The following C12orf43 variants were observed in gnomAD, a reference collection of about 807,000 sequenced individuals.
C12orf43 encodes protein CUSTOS.
Under a neutral mutation model 20.6 loss-of-function variants are expected in C12orf43, and 15 were observed. That is an observed-to-expected ratio of 0.73 (90% confidence interval 0.49 to 1.12). The LOEUF is 1.12. Among genes scored for constraint, C12orf43 ranks in the 50% most tolerant of loss-of-function variants. The pLI, the probability that C12orf43 is intolerant of heterozygous loss-of-function variation, is 0.00. For missense variants in C12orf43, 334 were observed against 344.4 expected, an observed-to-expected ratio of 0.97 and a Z score of 0.24; for synonymous variants, 144 against 130.8, an observed-to-expected ratio of 1.10 and a Z score of -0.69.
chr12:121,005,596 C>T lies in C12orf43; in HGVS notation c.362-503G>A, dbSNP rs1389849887. Among the ~76,000 whole-genome samples the T allele has an allele frequency of 2.6e-5, 4 of 152,244 alleles. No homozygotes were observed. In the East Asian group the frequency reaches 7.7e-4, roughly 29 times the overall value. On this transcript the variant is annotated intron_variant, in intron 4 of 5. Coordinates refer to ENST00000288757, the MANE Select transcript of C12orf43 (RefSeq NM_022895.3). This position sits in a 1 kb window ranked among gnomAD's most constrained non-coding sequence, Gnocchi z 5.6. Reference sequence around the variant, plus strand: ...CACTTGAGCTCCTGACCTAAGGCAGCCTTCAAAGTGGCAAATGTGTTGGTA... The same window carrying T: ...CACTTGAGCTCCTGACCTAAGGCAGTCTTCAAAGTGGCAAATGTGTTGGTA...
intron 3 of C12orf43, among the ~76,000 whole-genome samples, chr12:121,009,698 C>T (rs1215681788): frequency 1.3e-5 from 2 of 152,190 alleles, no homozygotes; most frequent in Non-Finnish European, 2.9e-5. Context: ...ACTTCTCAGC[C>T]TCCAAAATGT....
chr12:121,016,460 A>G lies in C12orf43; in HGVS notation c.15T>C (p.Ser5=), dbSNP rs751695712. 2 of 1,614,072 alleles carry G rather than the reference A, an allele frequency of 1.2e-6. No individual in the cohort carries two copies. The highest frequency in any genetic ancestry group is 1.7e-5 in the Admixed American group (1 of 60,028). The stretch of plus-strand genomic sequence containing the variant: ...TACTTTCCGAATCGCTCACTGTGCC[A>G]CTGGGCGCCGCCATCTTGAACCACC... MAAP[S]GTVSDSESSN... The change falls in exon 1 of 6, where the codon AGT becomes AGC. Residue 5 remains serine (S), a synonymous_variant. Coordinates refer to ENST00000288757, the MANE Select transcript of C12orf43 (RefSeq NM_022895.3).
At chr12:121,015,328 G>A (rs920631564) in intron 1 of C12orf43, among the ~76,000 whole-genome samples, 4 of 152,184 alleles carry the variant, frequency 2.6e-5, no homozygotes, top group African/African-American at 9.7e-5. Flanking sequence ...AGGGAAGGAA[G>A]GGAGAGGAAG....
intron 1 of C12orf43, among the ~76,000 whole-genome samples, chr12:121,011,753 G>A (rs1057020567): frequency 1.2e-4 from 18 of 152,208 alleles, no homozygotes; most frequent in African/African-American, 3.6e-4. Flanking sequence ...TGATTTGACT[G>A]CACAGTTTAA....
chr12:121,004,301 C>T lies in C12orf43; in HGVS notation c.641G>A (p.Ser214Asn). 2 of 1,614,234 alleles carry T rather than the reference C, an allele frequency of 1.2e-6. No homozygotes were observed. The highest frequency in any genetic ancestry group is 1.1e-5 in the South Asian group (1 of 91,088). ...CTTCTGCTTCTGGACTGTGGCCATG[C>T]TGGTGGGGGTGGTGGCAGCGACAGC... ...DSAVAATTPT[S>N]MATVQKQKSG... The change falls in exon 6 of 6, where the codon AGC becomes AAC. Residue 214 changes from serine to asparagine, a missense_variant. Coordinates refer to ENST00000288757, the MANE Select transcript of C12orf43 (RefSeq NM_022895.3). The surrounding 1 kb of genome is among the most constrained non-coding windows in gnomAD (Gnocchi z 5.6).
rs749953989 is a variant in C12orf43 at position 121,004,190 on chromosome 12, G to T, written c.752C>A (p.Pro251Gln). ...AKKASETSPF[P>Q]PAKSATAIPA... ...TATAGCTGTAGCACTCTTTGCTGGT[G>T]GGAATGGAGAGGTCTCGCTGGCCTT... The change falls in exon 6 of 6, where the codon CCA becomes CAA. Residue 251 changes from proline to glutamine, a missense_variant. Coordinates refer to ENST00000288757, the MANE Select transcript of C12orf43 (RefSeq NM_022895.3). This position sits in a 1 kb window ranked among gnomAD's most constrained non-coding sequence, Gnocchi z 5.6. 6.2e-7 allele frequency: 1 copy of T among 1,614,218 alleles called. No homozygotes were observed. Among genetic ancestry groups the T allele is most frequent in the Non-Finnish European group, 8.5e-7 (1 of 1,180,048 alleles).
Position 121,006,245 on chromosome 12 carries a change from A to T in C12orf43, c.361+76T>A, listed in dbSNP as rs1878009912. The T allele has an allele frequency of 5.3e-6, 7 of 1,328,924 alleles. No individual in the cohort carries two copies. The South Asian group carries it at 8.8e-5, about 17-fold the overall frequency. 82.3% of individuals were successfully genotyped at this position (1,328,924 alleles called of 1,614,324 possible). On this transcript the variant is annotated intron_variant, in intron 4 of 5. Transcript: ENST00000288757. ...AAAGAAAAAAAAAAAAGAATATACC[A>T]AAACTGTTTCGCCCACCTCCAGACA...
In C12orf43 at chr12:121,015,360, T is replaced by C. The variant is rs551231103; in HGVS notation, c.145+970A>G. 1.4e-3 allele frequency among the ~76,000 whole-genome samples: 217 copies of C among 152,336 alleles called. 1 individual carries two copies. The highest frequency in any genetic ancestry group is 4.7e-3 in the African/African-American group (194 of 41,570). ...GAAGGCAATGGATCACCAAAGGGCT[T>C]GTAAGTCCTTTTAAACAAATCCAGC... On this transcript the variant is annotated intron_variant, in intron 1 of 5. Coordinates refer to ENST00000288757, the MANE Select transcript of C12orf43 (RefSeq NM_022895.3).
chr12:121,004,070 T>C lies in C12orf43; in HGVS notation c.*83A>G. 1 of 1,435,116 alleles carries C rather than the reference T, an allele frequency of 7.0e-7. No homozygotes were observed. The allele number at this position is 1,435,116 out of a possible 1,614,324, so 88.9% of individuals were successfully genotyped here. Reference sequence around the variant, plus strand: ...CAGTCCTTGAACTTGGAGAGGGAGGTGGGGCTTGGAAATGCCTTGTCCCCA... The same window carrying C: ...CAGTCCTTGAACTTGGAGAGGGAGGCGGGGCTTGGAAATGCCTTGTCCCCA... On this transcript the variant is annotated 3_prime_UTR_variant, in exon 6 of 6. Transcript: ENST00000288757. This position sits in a 1 kb window ranked among gnomAD's most constrained non-coding sequence, Gnocchi z 5.6.
Position 121,010,943 on chromosome 12 carries a change from G to T in C12orf43, c.189-17C>A, listed in dbSNP as rs1254239951. 1 of 1,613,726 alleles carries T rather than the reference G, an allele frequency of 6.2e-7. No homozygotes were observed. Among genetic ancestry groups the T allele is most frequent in the Non-Finnish European group, 8.5e-7 (1 of 1,179,784 alleles). ...ACCTTATGCCTACGACACACACAAA[G>T]AGACCTCACTTCCTGCCCGCTCAGA... On this transcript the variant is annotated splice_polypyrimidine_tract_variant and intron_variant, in intron 2 of 5. Transcript: ENST00000288757.
intron 3 of C12orf43, among the ~76,000 whole-genome samples, chr12:121,009,581 G>A (rs943765600): frequency 4.6e-5 from 7 of 152,214 alleles, no homozygotes; most frequent in African/African-American, 1.7e-4. Context: ...AGGTCTGAGA[G>A]AGACCCCTCG....
Position 121,002,564 on chromosome 12 carries a change from G to A in C12orf43, c.*1589C>T. 2.1e-6 allele frequency: 1 copy of A among 477,780 alleles called. No homozygotes were observed. Among genetic ancestry groups the A allele is most frequent in the South Asian group, 1.6e-5 (1 of 62,584 alleles). The allele number at this position is 477,780 out of a possible 1,614,324, so 29.6% of individuals were successfully genotyped here. A position where few individuals can be genotyped will look rare whatever the true frequency, so the allele number is the denominator to read the frequency against. ...GATGGGGTTTGGGCAGGTAGCGGGA[G>A]GCTGGGGCAGGCCAGAGGCCTGCGA... On this transcript the variant is annotated 3_prime_UTR_variant, in exon 6 of 6. Transcript: ENST00000288757.
intron 1 of C12orf43, among the ~76,000 whole-genome samples, chr12:121,013,042 A>G (rs1190552725): frequency 6.6e-6 from 1 of 152,110 alleles, no homozygotes; most frequent in Middle Eastern, 3.2e-3. Context: ...GTGGAGGGCC[A>G]TGGTGTAAGA....
rs2135854601 is a variant in C12orf43 at position 121,001,117 on chromosome 12, G to T, written c.*3036C>A. The T allele has an allele frequency of 6.2e-7, 1 of 1,614,026 alleles. No individual in the cohort carries two copies. The highest frequency in any genetic ancestry group is 2.2e-5 in the East Asian group (1 of 44,880). On this transcript the variant is annotated 3_prime_UTR_variant, in exon 6 of 6. Coordinates refer to ENST00000288757, the MANE Select transcript of C12orf43 (RefSeq NM_022895.3). ...AGAGCTCAGACTCCAGCAATGGCCAGAGCCACCTGCTGCCATCCAACCACA... is the reference window on the plus strand; with the variant it reads ...AGAGCTCAGACTCCAGCAATGGCCATAGCCACCTGCTGCCATCCAACCACA...
At chr12:121,011,714 A>G (rs1221573916) in intron 1 of C12orf43, among the ~76,000 whole-genome samples, 3 of 152,172 alleles carry the variant, frequency 2.0e-5, no homozygotes, top group African/African-American at 7.2e-5. Flanking sequence ...CTTAACCACC[A>G]CGCTGTGCTG....
In C12orf43 at chr12:121,000,978, T is replaced by C. The variant is rs1877422801; in HGVS notation, c.*3175A>G. 1 of 1,566,086 alleles carries C rather than the reference T, an allele frequency of 6.4e-7. No homozygotes were observed. Among genetic ancestry groups the C allele is most frequent in the Admixed American group, 1.7e-5 (1 of 59,818 alleles). On this transcript the variant is annotated 3_prime_UTR_variant, in exon 6 of 6. Coordinates refer to ENST00000288757, the MANE Select transcript of C12orf43 (RefSeq NM_022895.3). ...GTGATCCAGGAGGTGTGGCCCTGCC[T>C]CCCCATCCTGAGTACCCCTAGGGAC...
chr12:121,009,655 C>A (rs1878295547), intron 3 of C12orf43, among the ~76,000 whole-genome samples: 1 of 152,200 alleles, frequency 6.6e-6, no homozygotes, highest in South Asian at 2.1e-4. Flanking sequence ...GGGCTCTCCC[C>A]AGACACTGAA....
chr12:121,007,967 G>A (rs1431686374), intron 3 of C12orf43, among the ~76,000 whole-genome samples: 2 of 151,956 alleles, frequency 1.3e-5, no homozygotes, highest in Admixed American at 6.6e-5. Flanking sequence ...AACTGGTGGG[G>A]TGAGTGCTAC....
chr12:121,014,025 C>G lies in C12orf43; in HGVS notation c.145+2305G>C, dbSNP rs140197237. On this transcript the variant is annotated intron_variant, in intron 1 of 5. Coordinates refer to ENST00000288757, the MANE Select transcript of C12orf43 (RefSeq NM_022895.3). ...TCAACTCCTGGTGGCTATTACTAGA[C>G]GCACTCAAGAATGTAATCTAGGCTG... 1.3e-5 allele frequency among the ~76,000 whole-genome samples: 2 copies of G among 152,158 alleles called. 1 individual carries two copies. Among genetic ancestry groups the G allele is most frequent in the South Asian group, 4.1e-4 (2 of 4,826 alleles).
Sources: allele counts gnomAD v4.1 joint callset (sites outside exome capture counted in the v4.1 genomes callset), GRCh38; gene constraint gnomAD v4.1.1; non-coding constraint Gnocchi (gnomAD v3.1); transcripts MANE v1.5; gene names NCBI Gene and HGNC (gene_info 2026-07-23, HGNC 2026-07-21).